The following SEPHS1 variants were observed in gnomAD, a reference collection of about 807,000 sequenced individuals.
SEPHS1 encodes the protein selenophosphate synthetase 1, also known as zincore component SEPHS1.
Under a neutral mutation model 39.2 loss-of-function variants are expected in SEPHS1, and 7 were observed. The observed-to-expected ratio is 0.18, with a 90% CI of 0.10 to 0.34. The LOEUF (loss-of-function observed/expected upper bound fraction) is 0.34, where lower values mean the gene tolerates loss of function less well. SEPHS1 is among the 10% of genes least tolerant of loss of function. The pLI is 1.00. For missense variants in SEPHS1, 253 were observed against 514.5 expected, an observed-to-expected ratio of 0.49 and a Z score of 4.92; for synonymous variants, 190 against 195.5, an observed-to-expected ratio of 0.97 and a Z score of 0.23.
chr10:13,345,539 T>C (rs1833896264), intron 1 of SEPHS1: 1 of 152,254 alleles, frequency 6.6e-6, no homozygotes, highest in Non-Finnish European at 1.5e-5. Flanking sequence ...TTCTTCACGA[T>C]GCTAAATCCT....
At chr10:13,340,679 T>C (rs954182924) in intron 2 of SEPHS1, 4 of 152,250 alleles carry the variant, frequency 2.6e-5, no homozygotes, top group Admixed American at 2.0e-4. Context: ...ATCTTAAATT[T>C]GAATTACATA....
At chr10:13,340,877 C>G (rs374649976) in intron 2 of SEPHS1, 6 of 152,136 alleles carry the variant, frequency 3.9e-5, no homozygotes, top group African/African-American at 1.4e-4. Flanking sequence ...ACACTAGACA[C>G]AGGGGGTGGC....
Position 13,328,367 on chromosome 10 carries a change from C to T in SEPHS1, c.735G>A (p.Ala245=), listed in dbSNP as rs762983712. 9 of 1,612,922 alleles carry T rather than the reference C, an allele frequency of 5.6e-6. No individual in the cohort carries two copies. The East Asian group carries it at 6.7e-5, about 12-fold the overall frequency. ...LAYQEAMMNM[A]RLNRTAAGLM... The stretch of plus-strand genomic sequence containing the variant: ...CTGTCATACCTGTCCTGTTGAGCCT[C>T]GCCATGTTCATCATCGCCTCCTGGT... The change falls in exon 7 of 9, where the codon GCG becomes GCA. Residue 245 remains alanine, a synonymous_variant. Transcript: ENST00000327347.
chr10:13,338,747 G>T lies in SEPHS1; in HGVS notation c.255C>A (p.Thr85=). 8 of 1,614,114 alleles carry T rather than the reference G, an allele frequency of 5.0e-6. No individual in the cohort carries two copies. The highest frequency in any genetic ancestry group is 5.9e-6 in the Non-Finnish European group (7 of 1,179,984). The change falls in exon 3 of 9, where the codon ACC becomes ACA. Residue 85 remains threonine (T), a synonymous_variant. Transcript: ENST00000327347. ...CTACGATCGGGTAAATGTAATCTGT[G>T]GTTTGAACCAAGGAAAGCCCACCGT... ...LRHGGLSLVQ[T]TDYIYPIVDD... is the part of the protein sequence containing the mutation.
At chr10:13,325,952 A>G in intron 7 of SEPHS1, among the ~76,000 whole-genome samples, 2 of 107,982 alleles carry the variant, frequency 1.9e-5, no homozygotes, top group African/African-American at 7.9e-5. Flanking sequence ...GTCTCAAAAA[A>G]AAAAAAAAAA....
intron 4 of SEPHS1, among the ~76,000 whole-genome samples, chr10:13,334,693 A>G (rs191144758): frequency 9.7e-4 from 148 of 152,332 alleles, no homozygotes; most frequent in African/African-American, 3.3e-3. Flanking sequence ...AACCTGGGCA[A>G]CACAGGGAGA....
intron 7 of SEPHS1, among the ~76,000 whole-genome samples, chr10:13,327,175 C>G (rs750707453): frequency 7.0e-5 from 9 of 128,018 alleles, no homozygotes; most frequent in African/African-American, 2.7e-4. Flanking sequence ...TGGTAGGTAG[C>G]GGTTGCAGTG....
At chr10:13,334,650 C>T (rs1276735043) in intron 4 of SEPHS1, among the ~76,000 whole-genome samples, 4 of 151,986 alleles carry the variant, frequency 2.6e-5, no homozygotes, top group South Asian at 4.1e-4. Context: ...GCTGAGGCTG[C>T]TGCAGTGAGC....
intron 5 of SEPHS1, among the ~76,000 whole-genome samples, chr10:13,330,919 T>C (rs1212353198): frequency 6.6e-6 from 1 of 152,156 alleles, no homozygotes; most frequent in African/African-American, 2.4e-5. Flanking sequence ...ATGTGCCATG[T>C]TGGTTTGCTG....
At chr10:13,321,778 G>C (rs1396965628) in intron 8 of SEPHS1, among the ~76,000 whole-genome samples, 1 of 152,262 alleles carries the variant, frequency 6.6e-6, no homozygotes, top group Middle Eastern at 3.2e-3. Context: ...GAGCCTGTAG[G>C]CTGTGGGTGG....
chr10:13,329,411 C>T (rs1374456413), intron 6 of SEPHS1, among the ~76,000 whole-genome samples: 2 of 152,136 alleles, frequency 1.3e-5, no homozygotes, highest in African/African-American at 2.4e-5. Context: ...ACATGAAAGA[C>T]GAAGCTATCT....
chr10:13,327,642 T>C (rs900022394), intron 7 of SEPHS1, among the ~76,000 whole-genome samples: 12 of 152,186 alleles, frequency 7.9e-5, no homozygotes, highest in Admixed American at 1.3e-4. Context: ...GGTGAACACT[T>C]TGGAAGACAG....
intron 2 of SEPHS1, among the ~76,000 whole-genome samples, chr10:13,339,702 A>G (rs888303162): frequency 6.6e-6 from 1 of 152,150 alleles, no homozygotes; most frequent in Non-Finnish European, 1.5e-5. Flanking sequence ...AAATGTCCCA[A>G]TATTTGCATA....
At chr10:13,325,596 G>T (rs953563349) in intron 7 of SEPHS1, among the ~76,000 whole-genome samples, 7 of 152,172 alleles carry the variant, frequency 4.6e-5, no homozygotes, top group African/African-American at 1.7e-4. Context: ...GAAACTGTGA[G>T]TAAATTAAAC....
intron 6 of SEPHS1, among the ~76,000 whole-genome samples, 188 bp downstream of exon 6, chr10:13,329,510 A>G (rs770002694): frequency 1.2e-4 from 18 of 152,210 alleles, no homozygotes; most frequent in Non-Finnish European, 2.6e-4. Context: ...ACCTACTGCA[A>G]TCAAGCATTC....
chr10:13,334,568 G>T (rs555582927), intron 4 of SEPHS1, among the ~76,000 whole-genome samples: 2 of 151,870 alleles, frequency 1.3e-5, no homozygotes, highest in African/African-American at 4.8e-5. Flanking sequence ...AATATTGCTT[G>T]GTGTGGTGGC....
rs1384692603 is a variant in SEPHS1, at chr10:13,332,477, C to T, written c.560+1340G>A. Among the ~76,000 whole-genome samples the T allele has an allele frequency of 3.3e-5, 5 of 152,276 alleles. No homozygotes were observed. The South Asian group carries it at 8.3e-4, about 25-fold the overall frequency. ...ACCTTGTCAATACTAAAAACCAACA[C>T]ATTGTGTACTTCAAAATGCTGAATT... On this transcript the variant is annotated intron_variant, in intron 5 of 8. Coordinates refer to ENST00000327347, the MANE Select transcript of SEPHS1 (RefSeq NM_012247.5).
chr10:13,324,617 T>G (rs927423646), intron 7 of SEPHS1, among the ~76,000 whole-genome samples: 1 of 152,196 alleles, frequency 6.6e-6, no homozygotes, highest in African/African-American at 2.4e-5. Flanking sequence ...TCAGTGTTTT[T>G]GGGTTTTTTT....
At chr10:13,338,488 C>G (rs577460239) in intron 3 of SEPHS1, among the ~76,000 whole-genome samples, 1 of 152,230 alleles carries the variant, frequency 6.6e-6, no homozygotes, top group Non-Finnish European at 1.5e-5. Context: ...AGGGCCTTCC[C>G]TGCTTCCTCC....
Sources: allele counts gnomAD v4.1 joint callset (sites outside exome capture counted in the v4.1 genomes callset), GRCh38; gene constraint gnomAD v4.1.1; transcripts MANE v1.5; gene names NCBI Gene and HGNC (gene_info 2026-07-23, HGNC 2026-07-21).